Variants in CFAP90 observed in about 807,000 individuals in gnomAD.
CFAP90 encodes cilia- and flagella-associated protein 90.
At chr5:7,838,711 C>T in the CFAP90 span, among the ~76,000 whole-genome samples, 1 of 152,222 alleles carries the variant, frequency 6.6e-6, no homozygotes, top group Admixed American at 6.5e-5. Flanking sequence ...TCCCTCCTGA[C>T]CTGGCTGACC....
the CFAP90 span, among the ~76,000 whole-genome samples, chr5:7,840,862 G>A: frequency 1.3e-5 from 2 of 152,178 alleles, no homozygotes; most frequent in Non-Finnish European, 2.9e-5. Context: ...CAGAGGGAAG[G>A]TGATGTGAAG....
At chr5:7,839,330 C>G in the CFAP90 span, among the ~76,000 whole-genome samples, 2 of 152,254 alleles carry the variant, frequency 1.3e-5, no homozygotes, top group South Asian at 4.1e-4. Context: ...GTGGATGGCA[C>G]GAACAGCAGG....
At chr5:7,835,341 T>TA in the CFAP90 span, 1 of 1,117,288 alleles carries the variant, frequency 9.0e-7, no homozygotes, top group Non-Finnish European at 1.3e-6. Flanking sequence ...AAAGTTTTGT[T>TA]AATCTGTTGA....
At chr5:7,834,764 T>C in the CFAP90 span, among the ~76,000 whole-genome samples, 3 of 152,318 alleles carry the variant, frequency 2.0e-5, no homozygotes, top group Admixed American at 2.0e-4. Flanking sequence ...CATAACACAC[T>C]GTACAGATTG....
chr5:7,831,648 T>C, the CFAP90 span: 3 of 524,546 alleles, frequency 5.7e-6, no homozygotes, highest in East Asian at 2.9e-5. Flanking sequence ...ACTAAAGGTG[T>C]TGTTGGTCAG....
chr5:7,849,491 G>A, the CFAP90 span, among the ~76,000 whole-genome samples: 1 of 152,344 alleles, frequency 6.6e-6, no homozygotes, highest in South Asian at 2.1e-4. Flanking sequence ...AGTTACGCCT[G>A]CAGGCTGAGG....
the CFAP90 span, among the ~76,000 whole-genome samples, chr5:7,835,164 T>C: frequency 6.6e-6 from 1 of 152,210 alleles, no homozygotes. Flanking sequence ...AATACTTTAT[T>C]GTTAAAAAAT....
At chr5:7,836,314 C>G in the CFAP90 span, among the ~76,000 whole-genome samples, 2 of 152,076 alleles carry the variant, frequency 1.3e-5, no homozygotes, top group East Asian at 3.8e-4. Context: ...CAAACAATAC[C>G]TACATACTAG....
chr5:7,850,357 C>G, the CFAP90 span, among the ~76,000 whole-genome samples: 7 of 151,770 alleles, frequency 4.6e-5, no homozygotes, highest in African/African-American at 1.7e-4. Flanking sequence ...AGCCCTGCCC[C>G]CAGGGTCCCT....
At chr5:7,839,130 A>G in the CFAP90 span, among the ~76,000 whole-genome samples, 1 of 152,204 alleles carries the variant, frequency 6.6e-6, no homozygotes, top group East Asian at 1.9e-4. Context: ...TTTTAAAACC[A>G]TCAGATCTCA....
the CFAP90 span, chr5:7,835,352 C>A: frequency 7.9e-7 from 1 of 1,258,826 alleles, no homozygotes; most frequent in Admixed American, 2.0e-5. Flanking sequence ...AATCTGTTGA[C>A]AACTTGTTAA....
the CFAP90 span, among the ~76,000 whole-genome samples, chr5:7,846,198 G>T: frequency 1.1e-4 from 17 of 152,078 alleles, no homozygotes; most frequent in Admixed American, 3.3e-4. Flanking sequence ...AATGTGGCAG[G>T]TCCACATGGC....
the CFAP90 span, among the ~76,000 whole-genome samples, chr5:7,848,115 G>A: frequency 2.5e-4 from 38 of 152,056 alleles, no homozygotes; most frequent in Non-Finnish European, 5.3e-4. Context: ...TACTTAAAAT[G>A]TAAAATTCAT....
At chr5:7,839,858 A>G in the CFAP90 span, among the ~76,000 whole-genome samples, 1 of 152,226 alleles carries the variant, frequency 6.6e-6, no homozygotes, top group African/African-American at 2.4e-5. Flanking sequence ...AGGACCAAAA[A>G]AAATAAATTC....
At chr5:7,835,600 G>C in the CFAP90 span, 1 of 674,736 alleles carries the variant, frequency 1.5e-6, no homozygotes, top group Non-Finnish European at 2.6e-6. Flanking sequence ...GGAGGCTGGA[G>C]GTGCATGTGG....
chr5:7,836,399 C>T, the CFAP90 span, among the ~76,000 whole-genome samples: 3 of 152,130 alleles, frequency 2.0e-5, no homozygotes, highest in Non-Finnish European at 2.9e-5. Flanking sequence ...TCTCTGCCTT[C>T]TGAAGGTTGC....
At chr5:7,833,290 CATGTACACACAT>C in the CFAP90 span, among the ~76,000 whole-genome samples, 1 of 152,112 alleles carries the variant, frequency 6.6e-6, no homozygotes, top group South Asian at 2.1e-4. Flanking sequence ...CACACACATG[CATGTACACACAT>C]ATGTACACAC....
At chr5:7,830,440 C>G in the CFAP90 span, 1 of 152,130 alleles carries the variant, frequency 6.6e-6, no homozygotes. Context: ...GAAATCAAGT[C>G]TGAATAATGA....
chr5:7,834,800 C>A, the CFAP90 span, among the ~76,000 whole-genome samples: 1 of 151,942 alleles, frequency 6.6e-6, no homozygotes, highest in Non-Finnish European at 1.5e-5. Flanking sequence ...TAAGCTGTAC[C>A]ATATGGCCTA....
Sources: gnomAD v4.1 joint callset for allele counts (sites outside exome capture counted in the v4.1 genomes callset) on GRCh38, gnomAD v4.1.1 for gene constraint, MANE v1.5 for transcripts, NCBI Gene and HGNC (gene_info 2026-07-23, HGNC 2026-07-21) for gene names.